Variants in SLC8B1 observed in about 807,000 individuals in gnomAD.
SLC8B1 encodes mitochondrial sodium/calcium exchanger protein.
SLC8B1 carries 52 observed loss-of-function variants against 63.4 expected under a neutral mutation model. That is an observed-to-expected ratio of 0.82 (90% CI 0.66 to 1.03). The LOEUF is 1.03. Ranked by LOEUF, SLC8B1 falls within the 50% of genes least tolerant of loss-of-function variation. The pLI is 0.00. For missense variants in SLC8B1, 657 were observed against 741.7 expected (o/e 0.89, Z 1.33); for synonymous variants, 336 against 323.9 (o/e 1.04, Z -0.40).
intron 11 of SLC8B1, among the ~76,000 whole-genome samples, chr12:113,314,285 A>G (rs10774689): frequency 0.66 from 99,951 of 152,128 alleles, 34,625 homozygotes; most frequent in African/African-American, 0.87. Flanking sequence ...GAATGTGGCA[A>G]GGAGGCTGTT....
chr12:113,310,206 C>G lies in SLC8B1; in HGVS notation c.1257+28G>C, dbSNP rs192292812. 642 of 1,608,792 alleles carry G rather than the reference C, an allele frequency of 4.0e-4. 4 individuals are homozygous for G. The East Asian group carries it at 7.9e-3, about 20-fold the overall frequency. ...TGGGAGACATCAGCATCCCTCCCCC[C>G]CCATCTCGGAGAACCCGGGCTTCTT... On this transcript the variant is annotated intron_variant, in intron 12 of 15. Transcript: ENST00000680972.
chr12:113,305,515 C>A lies in SLC8B1; in HGVS notation c.1492+980G>T, dbSNP rs1479998395. ...TGCGCCAGGCACTGTCTGGAACCCA[C>A]AACCATCTGGTTTCAAAGCTCTTTC... On this transcript the variant is annotated intron_variant, in intron 14 of 15. Transcript: ENST00000680972. The surrounding 1 kb of genome is among the most constrained non-coding windows in gnomAD (Gnocchi z 4.3). 1.3e-5 allele frequency among the ~76,000 whole-genome samples: 2 copies of A among 152,266 alleles called. No individual in the cohort carries two copies. The highest frequency in any genetic ancestry group is 3.9e-4 in the East Asian group (2 of 5,194).
At chr12:113,317,912 T>G (rs988996961) in intron 8 of SLC8B1, among the ~76,000 whole-genome samples, 1 of 152,216 alleles carries the variant, frequency 6.6e-6, no homozygotes, top group African/African-American at 2.4e-5. Flanking sequence ...ATGGCATGCA[T>G]GTATGTGTAT....
chr12:113,317,098 T>A (rs1334376888), intron 8 of SLC8B1, 97 bp from the exon 9 acceptor site: 1 of 1,017,082 alleles, frequency 9.8e-7, no homozygotes, highest in African/African-American at 1.6e-5. Context: ...GTTCAGGCCA[T>A]CTTATTTACT....
At chr12:113,316,424 A>G in intron 10 of SLC8B1, 102 bp downstream of exon 10, 1 of 1,417,154 alleles carries the variant, frequency 7.1e-7, no homozygotes. Flanking sequence ...AGAGGGTCTC[A>G]GTGGACCCCA....
At chr12:113,316,225 C>CA (rs565941837) in intron 10 of SLC8B1, among the ~76,000 whole-genome samples, 4,549 of 130,758 alleles carry the variant, frequency 0.035, 177 homozygotes, top group East Asian at 0.19. Context: ...AACTCTGTCT[C>CA]AAAAAAAAAA....
intron 2 of SLC8B1, among the ~76,000 whole-genome samples, chr12:113,327,373 G>A (rs962955671): frequency 3.3e-5 from 5 of 152,108 alleles, no homozygotes; most frequent in South Asian, 4.1e-4. Context: ...GTTCTCCTCT[G>A]AACAATGGGG....
At position 113,304,347 on chromosome 12, in the gene SLC8B1, T is replaced by C. The variant is rs1450337253; in HGVS notation, c.1531A>G (p.Ile511Val). The C allele has an allele frequency of 1.2e-6, 2 of 1,613,934 alleles. No individual in the cohort carries two copies. Among genetic ancestry groups the C allele is most frequent in the Non-Finnish European group, 1.7e-6 (2 of 1,179,964 alleles). Residue 511 changes from isoleucine to valine, a missense_variant, in exon 15 of 16, where the codon ATC (isoleucine) becomes GTC (valine). By Grantham distance (29) the Ile-to-Val change is conservative (BLOSUM62 3). Coordinates refer to ENST00000680972, the MANE Select transcript of SLC8B1 (RefSeq NM_001358345.2). The part of the protein sequence containing the change: ...VGVGLGCLLQ[I>V]SRSHTEVKLE... The stretch of plus-strand genomic sequence containing the variant: ...TTCACTTCTGTGTGGCTTCGGGAGA[T>C]CTGGAGCAGGCAGCCCAGCCCCACA...
intron 15 of SLC8B1, chr12:113,302,631 T>C: frequency 4.4e-6 from 2 of 456,096 alleles, no homozygotes; most frequent in Non-Finnish European, 8.8e-6. Flanking sequence ...AGTGAAGACA[T>C]GAGGTACCGT....
At position 113,299,662 on chromosome 12, in the gene SLC8B1, G is replaced by C; in HGVS notation, c.*115C>G. On this transcript the variant is annotated 3_prime_UTR_variant, in exon 16 of 16. Coordinates refer to ENST00000680972, the MANE Select transcript of SLC8B1 (RefSeq NM_001358345.2). Reference sequence around the variant, plus strand: ...TGACCTCAGATCTCCAGCAGCAAGGGCCGCACTCTCGTGCCCACAAGGGCC... The same window carrying C: ...TGACCTCAGATCTCCAGCAGCAAGGCCCGCACTCTCGTGCCCACAAGGGCC... 1.1e-6 allele frequency: 1 copy of C among 946,930 alleles called. No individual in the cohort carries two copies. The highest frequency in any genetic ancestry group is 1.7e-6 in the Non-Finnish European group (1 of 603,828). 58.7% of individuals were successfully genotyped at this position (946,930 alleles called of 1,614,324 possible).
At chr12:113,306,066 CAAAAAAAAAA>C (rs60824560) in intron 14 of SLC8B1, among the ~76,000 whole-genome samples, 31 of 18,100 alleles carry the variant, frequency 1.7e-3, no homozygotes, top group Non-Finnish European at 3.1e-3. Context: ...CCCCACCCTG[CAAAAAAAAAA>C]AAAAAAAAAA....
intron 2 of SLC8B1, among the ~76,000 whole-genome samples, chr12:113,323,623 C>T (rs1349430433): frequency 1.3e-5 from 2 of 151,996 alleles, no homozygotes; most frequent in African/African-American, 2.4e-5. Flanking sequence ...GCAGGAGAAT[C>T]GCTTGAACCC....
In SLC8B1 at chr12:113,299,555, G is replaced by C; in HGVS notation, c.*222C>G. 1 of 560,294 alleles carries C rather than the reference G, an allele frequency of 1.8e-6. No homozygotes were observed. The highest frequency in any genetic ancestry group is 3.2e-6 in the Non-Finnish European group (1 of 312,262). 34.7% of individuals were successfully genotyped at this position (560,294 alleles called of 1,614,324 possible). A position where few individuals can be genotyped will look rare whatever the true frequency, so the allele number is the denominator to read the frequency against. ...TCTGGAACCCTTTGTCCAGAGCAAA[G>C]CCAGGTTTCCAAGGTCCCCACGGCA... On this transcript the variant is annotated 3_prime_UTR_variant, in exon 16 of 16. Coordinates refer to ENST00000680972, the MANE Select transcript of SLC8B1 (RefSeq NM_001358345.2).
intron 2 of SLC8B1, among the ~76,000 whole-genome samples, chr12:113,326,284 G>T (rs116509135): frequency 0.021 from 3,220 of 152,302 alleles, 106 homozygotes; most frequent in African/African-American, 0.073. Context: ...GTGAGTAGTT[G>T]TAGAAACCAT....
Position 113,315,342 on chromosome 12 carries a change from C to T in SLC8B1, c.1128G>A (p.Ser376=), listed in dbSNP as rs1317024079. Residue 376 remains serine, a synonymous_variant, in exon 11 of 16, where the codon TCG becomes TCA. Transcript: ENST00000680972. The part of the protein sequence containing the change: ...SPLVVVLTLQ[S]GTYGVYEIGG... Reference sequence around the variant, plus strand: ...GGGGTAGGGGATACTCACAGGTCCCCGACTGCAGGGTCAGGACCACAACCA... The same window carrying T: ...GGGGTAGGGGATACTCACAGGTCCCTGACTGCAGGGTCAGGACCACAACCA... 15 of 1,539,498 alleles carry T rather than the reference C, an allele frequency of 9.7e-6. No homozygotes were observed. Among genetic ancestry groups the T allele is most frequent in the East Asian group, 4.9e-5 (2 of 40,704 alleles).
At chr12:113,309,134 C>A (rs575228093) in intron 12 of SLC8B1, among the ~76,000 whole-genome samples, 4 of 151,942 alleles carry the variant, frequency 2.6e-5, no homozygotes, top group Non-Finnish European at 5.9e-5. Flanking sequence ...GGATTACAGG[C>A]GTGAGCCACC....
chr12:113,332,275 C>CA (rs1555277416), intron 2 of SLC8B1, among the ~76,000 whole-genome samples: 19 of 152,008 alleles, frequency 1.2e-4, no homozygotes. Context: ...GCTTACTTCT[C>CA]TTTTTTTTGT....
intron 12 of SLC8B1, 98 bp downstream of exon 12, chr12:113,310,136 T>C: frequency 2.0e-6 from 3 of 1,470,128 alleles, no homozygotes; most frequent in Non-Finnish European, 2.7e-6. Context: ...TGACTCCTGA[T>C]CAAACTGGTC....
At chr12:113,333,897 C>T (rs1029918418) in intron 1 of SLC8B1, among the ~76,000 whole-genome samples, 1 of 152,126 alleles carries the variant, frequency 6.6e-6, no homozygotes, top group South Asian at 2.1e-4. Context: ...TTAACGGAGA[C>T]GGGGTTTCGC....
Sources: allele counts gnomAD v4.1 joint callset (sites outside exome capture counted in the v4.1 genomes callset), GRCh38; gene constraint gnomAD v4.1.1; non-coding constraint Gnocchi (gnomAD v3.1); transcripts MANE v1.5; gene names NCBI Gene and HGNC (gene_info 2026-07-23, HGNC 2026-07-21).